The following GATB variants were observed in gnomAD, a reference collection of about 807,000 sequenced individuals.
GATB encodes the protein glutamyl-tRNA(Gln) amidotransferase subunit B, mitochondrial.
In GATB, 39 loss-of-function variants were observed where a neutral mutation model predicts 62.3. The ratio of observed to expected loss-of-function variants is 0.63; its 90% CI spans 0.48 to 0.82. GATB has a LOEUF of 0.82. Ranked by LOEUF, GATB falls within the 40% of genes least tolerant of loss-of-function variation. GATB has a pLI of 0.00. For missense variants in GATB, 670 were observed against 684.0 expected, an observed-to-expected ratio of 0.98 and a Z score of 0.23; for synonymous variants, 276 against 258.9, an observed-to-expected ratio of 1.07 and a Z score of -0.63.
intron 2 of GATB, among the ~76,000 whole-genome samples, chr4:151,745,487 A>G (rs967243223): frequency 6.6e-6 from 1 of 152,246 alleles, no homozygotes; most frequent in Non-Finnish European, 1.5e-5. Flanking sequence ...AATCTGTCAT[A>G]AGGAATCTAA....
chr4:151,733,931 C>T (rs1342554170), intron 2 of GATB, among the ~76,000 whole-genome samples: 1 of 152,088 alleles, frequency 6.6e-6, no homozygotes, highest in East Asian at 1.9e-4. Flanking sequence ...GCAAAACTGG[C>T]ACACAAGGGA....
At chr4:151,758,410 T>A (rs1739879740) in intron 2 of GATB, among the ~76,000 whole-genome samples, 1 of 152,212 alleles carries the variant, frequency 6.6e-6, no homozygotes, top group Admixed American at 6.5e-5. Context: ...GCATATTACC[T>A]TCAAAGAAGG....
intron 2 of GATB, among the ~76,000 whole-genome samples, chr4:151,743,437 G>A (rs1018930731): frequency 1.6e-4 from 24 of 152,232 alleles, no homozygotes; most frequent in Admixed American, 5.9e-4. Flanking sequence ...CTCTGTATGT[G>A]TATAAGCATG....
chr4:151,698,821 A>C (rs1578908139), intron 9 of GATB, among the ~76,000 whole-genome samples: 1 of 152,318 alleles, frequency 6.6e-6, no homozygotes, highest in East Asian at 1.9e-4. Context: ...CATAAAAATA[A>C]GGACGTTTTT....
chr4:151,745,604 A>G (rs1739580057), intron 2 of GATB, among the ~76,000 whole-genome samples: 1 of 152,256 alleles, frequency 6.6e-6, no homozygotes, highest in Non-Finnish European at 1.5e-5. Context: ...TCCAGAAGGA[A>G]TCTCTAGCAG....
Position 151,697,959 on chromosome 4 carries a change from A to G in GATB, c.1197+3370T>C, listed in dbSNP as rs1372668490. On this transcript the variant is annotated intron_variant, in intron 9 of 12. Transcript: ENST00000263985. ...TATATGTGTGTGTGTGTGTGTATATATATATATATATATATATATATATAT... is the reference window on the plus strand; with the variant it reads ...TATATGTGTGTGTGTGTGTGTATATGTATATATATATATATATATATATAT... Among the ~76,000 whole-genome samples, 98 of 54,964 alleles carry G rather than the reference A, an allele frequency of 1.8e-3. 1 individual carries two copies. The highest frequency in any genetic ancestry group is 6.4e-3 in the African/African-American group (94 of 14,786). The allele number at this position is 54,964 out of a possible 152,430, so 36.1% of individuals were successfully genotyped here. A position where few individuals can be genotyped will look rare whatever the true frequency, so the allele number is the denominator to read the frequency against.
chr4:151,683,379 C>A (rs1738182321), intron 10 of GATB, among the ~76,000 whole-genome samples: 1 of 152,296 alleles, frequency 6.6e-6, no homozygotes, highest in Middle Eastern at 3.4e-3. Context: ...ACCGTAAGCT[C>A]CTTGTGAAAC....
intron 2 of GATB, among the ~76,000 whole-genome samples, chr4:151,733,610 A>G (rs187524652): frequency 2.2e-3 from 340 of 152,368 alleles, no homozygotes; most frequent in African/African-American, 7.8e-3. Context: ...AATTCATTCT[A>G]TGAAGCCAGC....
At chr4:151,722,044 T>C (rs1739042468) in intron 2 of GATB, 3 of 611,422 alleles carry the variant, frequency 4.9e-6, no homozygotes, top group Non-Finnish European at 8.7e-6. Context: ...CATCACACGT[T>C]ACAGATGCAC....
chr4:151,704,544 C>G (rs1428771916), intron 7 of GATB, among the ~76,000 whole-genome samples: 3 of 151,604 alleles, frequency 2.0e-5, no homozygotes, highest in Non-Finnish European at 4.4e-5. Context: ...AGCTCCGCCT[C>G]CTGGGTTTAC....
intron 2 of GATB, among the ~76,000 whole-genome samples, chr4:151,739,695 G>C (rs189852824): frequency 2.2e-3 from 342 of 152,242 alleles, no homozygotes; most frequent in African/African-American, 7.9e-3. Context: ...GCACAATTTG[G>C]GCAACGGTCA....
chr4:151,724,573 CCT>C (rs999733533), intron 2 of GATB: 1 of 152,308 alleles, frequency 6.6e-6, no homozygotes, highest in African/African-American at 2.4e-5. Flanking sequence ...CTCCAGTCCC[CCT>C]GACCACCATG....
chr4:151,732,260 G>A (rs1430433061), intron 2 of GATB, among the ~76,000 whole-genome samples: 1 of 152,224 alleles, frequency 6.6e-6, no homozygotes, highest in African/African-American at 2.4e-5. Context: ...GATGACGATG[G>A]CGGTTTTGTG....
chr4:151,713,021 C>T (rs1738848996), intron 5 of GATB, among the ~76,000 whole-genome samples: 1 of 152,150 alleles, frequency 6.6e-6, no homozygotes, highest in Non-Finnish European at 1.5e-5. Flanking sequence ...TGAGCTCCGC[C>T]TCCTGTCAGA....
chr4:151,708,153 T>C, intron 5 of GATB, 52 bp from the exon 6 acceptor site: 1 of 1,217,086 alleles, frequency 8.2e-7, no homozygotes. Context: ...GGTGACATAG[T>C]CTTTTAAAGG....
At chr4:151,735,749 T>TATATATATATATATATATATAC in intron 2 of GATB, among the ~76,000 whole-genome samples, 1 of 139,182 alleles carries the variant, frequency 7.2e-6, no homozygotes, top group Non-Finnish European at 1.5e-5. Context: ...TATATATATA[T>TATATATATATATATATATATAC]ATATATATGA....
chr4:151,701,675 A>G (rs1738610622), intron 8 of GATB, among the ~76,000 whole-genome samples, 157 bp from the exon 9 acceptor site: 1 of 152,204 alleles, frequency 6.6e-6, no homozygotes, highest in African/African-American at 2.4e-5. Context: ...TTCCCAGGGA[A>G]GCCATTGCAT....
intron 10 of GATB, among the ~76,000 whole-genome samples, chr4:151,688,072 G>A (rs1388206502): frequency 2.0e-5 from 3 of 152,166 alleles, no homozygotes; most frequent in Non-Finnish European, 4.4e-5. Flanking sequence ...CCACCTGCCT[G>A]CCTCCGGCCC....
intron 2 of GATB, chr4:151,721,074 T>A (rs1181738329): frequency 6.6e-6 from 1 of 152,072 alleles, no homozygotes. Flanking sequence ...CCGTCTCTAC[T>A]AAAAATACAA....
Sources: allele counts gnomAD v4.1 joint callset (sites outside exome capture counted in the v4.1 genomes callset), GRCh38; gene constraint gnomAD v4.1.1; transcripts MANE v1.5; gene names NCBI Gene and HGNC (gene_info 2026-07-23, HGNC 2026-07-21).